The following CALN1 variants were observed in gnomAD, a reference collection of about 807,000 sequenced individuals.
CALN1 encodes calneuron 1, also known as calcium-binding protein 8.
CALN1 carries 17 observed loss-of-function variants against 30.6 expected under a neutral mutation model. The ratio of observed to expected loss-of-function variants is 0.56; its 90% CI spans 0.38 to 0.83. The LOEUF (loss-of-function observed/expected upper bound fraction) is 0.83, where lower values mean the gene tolerates loss of function less well. Ranked by LOEUF, CALN1 falls within the 40% of genes least tolerant of loss-of-function variation. CALN1 has a pLI of 0.00. For missense variants in CALN1, 291 were observed against 354.9 expected (o/e 0.82, Z 1.45); for synonymous variants, 156 against 131.4 (o/e 1.19, Z -1.28).
chr7:72,163,845 A>G (rs1276559275), intron 3 of CALN1, among the ~76,000 whole-genome samples: 1 of 152,222 alleles, frequency 6.6e-6, no homozygotes, highest in South Asian at 2.1e-4. Flanking sequence ...AAGACAACAT[A>G]AAAGAAGAAA....
intron 5 of CALN1, among the ~76,000 whole-genome samples, chr7:72,009,251 A>C (rs561701066): frequency 3.5e-4 from 53 of 152,324 alleles, no homozygotes; most frequent in African/African-American, 1.3e-3. Flanking sequence ...TAGGTTAACT[A>C]TGTTTCAAGA....
chr7:72,188,719 A>C (rs372351098), intron 3 of CALN1, among the ~76,000 whole-genome samples: 21 of 152,224 alleles, frequency 1.4e-4, no homozygotes, highest in African/African-American at 2.2e-4. Context: ...ATTTAAAAAT[A>C]ATCATCATAT....
At chr7:72,194,588 GCCT>G (rs1443767052) in intron 3 of CALN1, among the ~76,000 whole-genome samples, 2 of 142,900 alleles carry the variant, frequency 1.4e-5, no homozygotes, top group South Asian at 2.2e-4. Flanking sequence ...CTCCTAACTG[GCCT>G]CTTTTTTTTT....
chr7:72,286,863 A>G (rs1033591007), intron 2 of CALN1, among the ~76,000 whole-genome samples: 6 of 152,232 alleles, frequency 3.9e-5, no homozygotes, highest in African/African-American at 1.4e-4. Context: ...AGAAAGGACA[A>G]TTTTACAAAC....
intron 5 of CALN1, among the ~76,000 whole-genome samples, chr7:71,984,940 T>C (rs530123179): frequency 1.8e-4 from 28 of 152,290 alleles, no homozygotes; most frequent in African/African-American, 6.7e-4. Flanking sequence ...AAGATGGAAG[T>C]TCTTTCTCTC....
intron 2 of CALN1, among the ~76,000 whole-genome samples, chr7:72,303,551 C>T (rs1354617374): frequency 1.4e-5 from 2 of 140,110 alleles, no homozygotes; most frequent in Non-Finnish European, 3.1e-5. Context: ...GAGCGAAACT[C>T]CATCTCAAAA....
intron 5 of CALN1, among the ~76,000 whole-genome samples, chr7:71,986,991 T>C (rs1798705717): frequency 6.6e-6 from 1 of 151,952 alleles, no homozygotes; most frequent in African/African-American, 2.4e-5. Flanking sequence ...AGCCGGGCGG[T>C]AGTATACGCC....
intron 6 of CALN1, among the ~76,000 whole-genome samples, chr7:71,804,423 G>A (rs1357947971): frequency 6.6e-6 from 1 of 152,198 alleles, no homozygotes; most frequent in African/African-American, 2.4e-5. Flanking sequence ...CAGGAGGATT[G>A]TGTGAGCCTG....
intron 3 of CALN1, among the ~76,000 whole-genome samples, chr7:72,179,672 G>T (rs902809601): frequency 6.6e-6 from 1 of 151,814 alleles, no homozygotes. Flanking sequence ...TAAATGAATC[G>T]CCATATAACC....
intron 5 of CALN1, among the ~76,000 whole-genome samples, chr7:71,864,212 T>C (rs1791460906): frequency 1.3e-5 from 2 of 152,226 alleles, no homozygotes. Context: ...CAGTCTTTTA[T>C]AACCTCCTTC....
intron 3 of CALN1, among the ~76,000 whole-genome samples, chr7:72,202,210 C>G (rs562622637): frequency 6.6e-6 from 1 of 151,742 alleles, no homozygotes; most frequent in African/African-American, 2.4e-5. Flanking sequence ...AGACTGATAC[C>G]GCAGGAAAAT....
chr7:72,313,497 C>G (rs905282211), intron 2 of CALN1, among the ~76,000 whole-genome samples: 1 of 152,182 alleles, frequency 6.6e-6, no homozygotes, highest in South Asian at 2.1e-4. Context: ...GCTCAAGCGA[C>G]AGCTCCCAAC....
At chr7:72,368,206 T>C (rs909774499) in intron 2 of CALN1, among the ~76,000 whole-genome samples, 4 of 151,002 alleles carry the variant, frequency 2.6e-5, no homozygotes, top group Non-Finnish European at 5.9e-5. Flanking sequence ...TATGTGTGTG[T>C]ATATATATCT....
rs372525548 is a variant in CALN1 at position 71,936,194 on chromosome 7, T to TG, written c.501+87462_501+87463insC. On this transcript the variant is annotated intron_variant, in intron 5 of 6. Transcript: ENST00000395275. ...CCTCTTCGGCATGGCTACATAAATCTACTGCTTAAAAATAGATGAGTGGAC... is the reference window on the plus strand; with the variant it reads ...CCTCTTCGGCATGGCTACATAAATCTGACTGCTTAAAAATAGATGAGTGGAC... Among the ~76,000 whole-genome samples the TG allele has an allele frequency of 9.8e-3, 1,485 of 152,172 alleles. 28 individuals carry two copies. Among genetic ancestry groups the TG allele is most frequent in the African/African-American group, 0.034 (1,396 of 41,516 alleles).
chr7:72,111,226 A>C (rs1807553877), intron 3 of CALN1, among the ~76,000 whole-genome samples: 1 of 152,268 alleles, frequency 6.6e-6, no homozygotes. Flanking sequence ...GGTGATAGGA[A>C]CCTGTCCAAC....
chr7:72,443,835 T>C (rs1808436060), intron 1 of CALN1, among the ~76,000 whole-genome samples: 1 of 151,092 alleles, frequency 6.6e-6, no homozygotes, highest in African/African-American at 2.4e-5. Flanking sequence ...ATGATGATTA[T>C]CTTTGATCAA....
chr7:72,002,880 A>G (rs1099452), intron 5 of CALN1, among the ~76,000 whole-genome samples: 23,322 of 152,130 alleles, frequency 0.15, 2,819 homozygotes, highest in East Asian at 0.38. Context: ...ATAAAATTAC[A>G]GTTATCAGGG....
chr7:72,365,741 G>A (rs973037125), intron 2 of CALN1, among the ~76,000 whole-genome samples: 10 of 152,080 alleles, frequency 6.6e-5, no homozygotes, highest in African/African-American at 2.2e-4. Flanking sequence ...TAAAAGGTGT[G>A]TAAGATCACG....
intron 6 of CALN1, among the ~76,000 whole-genome samples, chr7:71,796,249 G>T (rs116776619): frequency 6.6e-6 from 1 of 151,812 alleles, no homozygotes; most frequent in Non-Finnish European, 1.5e-5. Flanking sequence ...GAGTCATGCC[G>T]CTATGAACAT....
Sources: gnomAD v4.1 joint callset for allele counts (sites outside exome capture counted in the v4.1 genomes callset) on GRCh38, gnomAD v4.1.1 for gene constraint, MANE v1.5 for transcripts, NCBI Gene and HGNC (gene_info 2026-07-23, HGNC 2026-07-21) for gene names.